The following SPATS2 variants were observed in gnomAD, a reference collection of about 807,000 sequenced individuals.
SPATS2 encodes spermatogenesis associated serine rich 2.
SPATS2 carries 38 observed loss-of-function variants against 63.7 expected under a neutral mutation model. That is an observed-to-expected ratio of 0.60 (90% CI 0.46 to 0.78). The LOEUF (loss-of-function observed/expected upper bound fraction) is 0.78. SPATS2 is among the 30% of genes least tolerant of loss of function. The pLI, the probability that SPATS2 is intolerant of heterozygous loss-of-function variation, is 0.00. For missense variants in SPATS2, 588 were observed against 666.2 expected, an observed-to-expected ratio of 0.88 and a Z score of 1.29; for synonymous variants, 207 against 232.9, an observed-to-expected ratio of 0.89 and a Z score of 1.01.
intron 2 of SPATS2, among the ~76,000 whole-genome samples, chr12:49,397,249 T>C (rs1406732115): frequency 6.6e-6 from 1 of 152,212 alleles, no homozygotes; most frequent in Non-Finnish European, 1.5e-5. Flanking sequence ...GTGGATATCA[T>C]AGCATCCTAA....
chr12:49,463,966 G>A (rs1945865514), intron 3 of SPATS2, among the ~76,000 whole-genome samples: 2 of 152,166 alleles, frequency 1.3e-5, no homozygotes, highest in Non-Finnish European at 2.9e-5. Context: ...GCAGAAGTCA[G>A]AGCTGTGCTT....
intron 2 of SPATS2, among the ~76,000 whole-genome samples, chr12:49,422,885 C>T (rs905232790): frequency 6.6e-6 from 1 of 151,672 alleles, no homozygotes; most frequent in Admixed American, 6.6e-5. Flanking sequence ...GCACTCCAGC[C>T]TGGGAAACAG....
chr12:49,384,148 A>T lies in SPATS2; in HGVS notation c.-244+12858A>T, dbSNP rs538199477. Among the ~76,000 whole-genome samples the T allele has an allele frequency of 2.6e-5, 4 of 152,288 alleles. No homozygotes were observed. The East Asian group carries it at 7.7e-4, about 29-fold the overall frequency. On this transcript the variant is annotated intron_variant, in intron 2 of 13. Coordinates refer to ENST00000552918, the MANE Select transcript of SPATS2 (RefSeq NM_023071.4). ...TTCCACTAATGTCTTAAAAAATCTC[A>T]GAGATGGGCTCTTGCTGTATATTGC...
At chr12:49,511,606 C>T (rs899360741) in intron 9 of SPATS2, among the ~76,000 whole-genome samples, 1 of 152,118 alleles carries the variant, frequency 6.6e-6, no homozygotes, top group Non-Finnish European at 1.5e-5. Context: ...TCTGGGAGGA[C>T]TCATTGCTTG....
intron 6 of SPATS2, among the ~76,000 whole-genome samples, chr12:49,494,027 A>G (rs974538896): frequency 6.6e-6 from 1 of 152,354 alleles, no homozygotes; most frequent in Admixed American, 6.5e-5. Flanking sequence ...TAATAGTGAT[A>G]CTGCAATGAA....
chr12:49,486,150 T>G, intron 4 of SPATS2: 1 of 437,626 alleles, frequency 2.3e-6, no homozygotes, highest in African/African-American at 2.0e-5. Context: ...TATCAGAATC[T>G]TACCTTTATC....
chr12:49,479,751 C>T (rs1056826903), intron 3 of SPATS2, among the ~76,000 whole-genome samples: 2 of 152,240 alleles, frequency 1.3e-5, no homozygotes, highest in Middle Eastern at 3.4e-3. Context: ...ACTCAACTTA[C>T]TTTATGTATG....
At chr12:49,435,310 G>A (rs1339860773) in intron 2 of SPATS2, among the ~76,000 whole-genome samples, 1 of 151,572 alleles carries the variant, frequency 6.6e-6, no homozygotes, top group African/African-American at 2.4e-5. Context: ...GATTACAGGC[G>A]TGAGCCACTG....
chr12:49,501,015 G>A (rs944084885), intron 9 of SPATS2, among the ~76,000 whole-genome samples: 5 of 151,964 alleles, frequency 3.3e-5, no homozygotes, highest in East Asian at 1.9e-4. Flanking sequence ...GCTATGGCAC[G>A]ATCACATCTC....
chr12:49,438,126 C>T (rs1431061434), intron 2 of SPATS2, among the ~76,000 whole-genome samples: 1 of 151,654 alleles, frequency 6.6e-6, no homozygotes, highest in East Asian at 1.9e-4. Flanking sequence ...GAACACTGTC[C>T]CTCCAGAGGT....
chr12:49,371,842 C>T (rs1357074924), intron 2 of SPATS2, among the ~76,000 whole-genome samples: 1 of 152,060 alleles, frequency 6.6e-6, no homozygotes, highest in Non-Finnish European at 1.5e-5. Flanking sequence ...GAGAAACCAC[C>T]CCAATATTCC....
Position 49,369,402 on chromosome 12 carries a change from C to G in SPATS2, c.-307+1815C>G, listed in dbSNP as rs149647541. Among the ~76,000 whole-genome samples, 12 of 152,258 alleles carry G rather than the reference C, an allele frequency of 7.9e-5. No homozygotes were observed. In the South Asian group the frequency reaches 1.5e-3, roughly 18 times the overall value. On this transcript the variant is annotated intron_variant, in intron 1 of 13. Coordinates refer to ENST00000552918, the MANE Select transcript of SPATS2 (RefSeq NM_023071.4). ...ATTTTTTTGTATGTATTATCTCATT[C>G]AATCCTCACAATTATTTCATATTTT...
At chr12:49,428,317 G>A (rs1429654306) in intron 2 of SPATS2, among the ~76,000 whole-genome samples, 3 of 151,592 alleles carry the variant, frequency 2.0e-5, no homozygotes, top group Non-Finnish European at 2.9e-5. Context: ...ATAACATGAC[G>A]TTTACCATTT....
At chr12:49,421,765 A>G (rs1944988769) in intron 2 of SPATS2, among the ~76,000 whole-genome samples, 3 of 152,180 alleles carry the variant, frequency 2.0e-5, no homozygotes, top group South Asian at 2.1e-4. Context: ...ATTTTCTGAT[A>G]TTTTGATTGA....
chr12:49,493,600 G>A (rs1468853542), intron 6 of SPATS2, among the ~76,000 whole-genome samples: 10 of 151,664 alleles, frequency 6.6e-5, no homozygotes, highest in Admixed American at 3.9e-4. Context: ...ATGGGGTTTC[G>A]TCGTATTGGC....
intron 2 of SPATS2, among the ~76,000 whole-genome samples, chr12:49,444,080 C>G (rs1466421182): frequency 6.6e-6 from 1 of 152,100 alleles, no homozygotes; most frequent in African/African-American, 2.4e-5. Context: ...TATGAATGTT[C>G]CAGTTCATGA....
At chr12:49,409,103 G>A (rs900255115) in intron 2 of SPATS2, among the ~76,000 whole-genome samples, 11 of 152,174 alleles carry the variant, frequency 7.2e-5, no homozygotes, top group Admixed American at 6.5e-4. Flanking sequence ...GATATTCCAG[G>A]TACTTCTAAT....
intron 10 of SPATS2, among the ~76,000 whole-genome samples, chr12:49,515,758 G>A (rs1036906346): frequency 3.3e-5 from 5 of 152,188 alleles, no homozygotes; most frequent in South Asian, 2.1e-4. Context: ...GGTGGCTCAC[G>A]CATATAATCC....
At chr12:49,489,833 A>G (rs547877424) in intron 5 of SPATS2, among the ~76,000 whole-genome samples, 1 of 152,220 alleles carries the variant, frequency 6.6e-6, no homozygotes, top group East Asian at 1.9e-4. Context: ...TCATGTGGCC[A>G]GTGGTATAAG....
Sources: gnomAD v4.1 joint callset for allele counts (sites outside exome capture counted in the v4.1 genomes callset) on GRCh38, gnomAD v4.1.1 for gene constraint, MANE v1.5 for transcripts, NCBI Gene and HGNC (gene_info 2026-07-23, HGNC 2026-07-21) for gene names.